Variants in INPP4B observed in about 807,000 individuals in gnomAD.
INPP4B encodes inositol polyphosphate 4-phosphatase type II.
A neutral mutation model predicts 122.5 loss-of-function variants in INPP4B; 55 were observed. The observed-to-expected ratio is 0.45, with a 90% CI of 0.36 to 0.56. The LOEUF is 0.56. Ranked by LOEUF, INPP4B falls within the 20% of genes least tolerant of loss-of-function variation. The pLI is 0.00. For missense variants in INPP4B, 1,000 were observed against 1,097.7 expected, an observed-to-expected ratio of 0.91 and a Z score of 1.26; for synonymous variants, 403 against 388.7, an observed-to-expected ratio of 1.04 and a Z score of -0.43.
chr4:142,379,177 T>C (rs1470323400), intron 7 of INPP4B, among the ~76,000 whole-genome samples: 1 of 152,158 alleles, frequency 6.6e-6, no homozygotes, highest in Non-Finnish European at 1.5e-5. Context: ...TATCTTCCTA[T>C]ACAACTCTAT....
chr4:142,384,836 C>T (rs1451906805), intron 7 of INPP4B, among the ~76,000 whole-genome samples: 1 of 152,086 alleles, frequency 6.6e-6, no homozygotes, highest in Non-Finnish European at 1.5e-5. Flanking sequence ...CCTCCTCCCA[C>T]CCTCAACCAT....
At chr4:142,344,222 G>C (rs945568866) in intron 7 of INPP4B, among the ~76,000 whole-genome samples, 1 of 152,076 alleles carries the variant, frequency 6.6e-6, no homozygotes. Context: ...ACATGGAAGA[G>C]AGCATTAGTC....
intron 16 of INPP4B, among the ~76,000 whole-genome samples, chr4:142,165,879 CT>C (rs1402170124): frequency 6.6e-6 from 1 of 151,738 alleles, no homozygotes; most frequent in East Asian, 1.9e-4. Context: ...CTCCTCCACT[CT>C]TTTTATCCTC....
At position 142,739,769 on chromosome 4, in the gene INPP4B, T is replaced by C. The variant is rs929119380; in HGVS notation, c.-253-13868A>G. ...AGCAATGAAAGAAAAAATAATACGT[T>C]ATTTTAAGGATTCACAATGTAACTG... On this transcript the variant is annotated intron_variant, in intron 1 of 25. Transcript: ENST00000262992. 2.0e-5 allele frequency among the ~76,000 whole-genome samples: 3 copies of C among 152,174 alleles called. No homozygotes were observed. The East Asian group carries it at 5.8e-4, about 29-fold the overall frequency.
chr4:142,562,598 C>T (rs1405705989), intron 2 of INPP4B, among the ~76,000 whole-genome samples: 2 of 152,026 alleles, frequency 1.3e-5, no homozygotes, highest in African/African-American at 2.4e-5. Context: ...GAAAGACATC[C>T]TATTGCTTTT....
intron 2 of INPP4B, among the ~76,000 whole-genome samples, chr4:142,702,445 C>T (rs1005330681): frequency 6.6e-6 from 1 of 152,090 alleles, no homozygotes; most frequent in Non-Finnish European, 1.5e-5. Context: ...AACTTCGAGG[C>T]CAGGCGCGGT....
intron 11 of INPP4B, among the ~76,000 whole-genome samples, chr4:142,242,791 C>T (rs1290371178): frequency 1.3e-5 from 2 of 152,194 alleles, no homozygotes; most frequent in African/African-American, 4.8e-5. Context: ...TTTTACATCA[C>T]ATCCCCGTCT....
chr4:142,064,374 G>A (rs901594815), intron 25 of INPP4B, among the ~76,000 whole-genome samples: 1 of 152,126 alleles, frequency 6.6e-6, no homozygotes, highest in African/African-American at 2.4e-5. Context: ...TCCACAGTCT[G>A]TCAACCAGAT....
intron 21 of INPP4B, among the ~76,000 whole-genome samples, chr4:142,115,014 G>A (rs938216398): frequency 3.3e-5 from 5 of 152,038 alleles, no homozygotes; most frequent in Non-Finnish European, 7.4e-5. Flanking sequence ...CATGATGCAT[G>A]CCCAAGCTTC....
intron 2 of INPP4B, among the ~76,000 whole-genome samples, chr4:142,662,113 T>C (rs1397301255): frequency 6.6e-6 from 1 of 152,008 alleles, no homozygotes; most frequent in East Asian, 1.9e-4. Flanking sequence ...CAGGCACCTG[T>C]AGTCCCAGCT....
intron 9 of INPP4B, among the ~76,000 whole-genome samples, chr4:142,298,120 A>G (rs1255469766): frequency 1.3e-5 from 2 of 151,216 alleles, no homozygotes; most frequent in Non-Finnish European, 3.0e-5. Context: ...ACAAACAAAC[A>G]AACAAAACAG....
At chr4:142,358,883 G>A (rs943300692) in intron 7 of INPP4B, among the ~76,000 whole-genome samples, 15 of 151,966 alleles carry the variant, frequency 9.9e-5, no homozygotes, top group Non-Finnish European at 2.9e-5. Flanking sequence ...CAACTGAGCA[G>A]TGGTGAGAGG....
At chr4:142,455,501 T>C (rs578113431) in intron 3 of INPP4B, among the ~76,000 whole-genome samples, 4 of 152,218 alleles carry the variant, frequency 2.6e-5, no homozygotes, top group African/African-American at 9.6e-5. Flanking sequence ...CTCATTCTTT[T>C]TTTATGGCTG....
chr4:142,663,606 G>C (rs1288165396), intron 2 of INPP4B, among the ~76,000 whole-genome samples: 4 of 152,022 alleles, frequency 2.6e-5, no homozygotes, highest in African/African-American at 4.8e-5. Context: ...CTTTTTAAAA[G>C]GTCACTTAAC....
chr4:142,470,288 TCA>T (rs532108701), intron 2 of INPP4B, among the ~76,000 whole-genome samples: 79 of 152,138 alleles, frequency 5.2e-4, no homozygotes, highest in Non-Finnish European at 7.5e-4. Flanking sequence ...AAAAGATGCT[TCA>T]CAATGAAGAA....
chr4:142,177,722 T>G (rs1456774787), intron 15 of INPP4B, among the ~76,000 whole-genome samples: 1 of 152,114 alleles, frequency 6.6e-6, no homozygotes, highest in Non-Finnish European at 1.5e-5. Flanking sequence ...TCCTCACGTT[T>G]GTGTGTGTAT....
intron 25 of INPP4B, chr4:142,029,399 AG>A: frequency 1.0e-6 from 1 of 982,126 alleles, no homozygotes; most frequent in Non-Finnish European, 1.2e-6. Context: ...CAAGGAAGAG[AG>A]AAAATGGCTT....
chr4:142,474,202 T>C (rs1019690820), intron 2 of INPP4B: 8 of 151,972 alleles, frequency 5.3e-5, no homozygotes, highest in African/African-American at 1.9e-4. Flanking sequence ...CCATTCTCAC[T>C]ACGGGTAACC....
At chr4:142,090,965 C>T (rs967537357) in intron 23 of INPP4B, among the ~76,000 whole-genome samples, 1 of 151,902 alleles carries the variant, frequency 6.6e-6, no homozygotes, top group Non-Finnish European at 1.5e-5. Flanking sequence ...AAAACAACAG[C>T]AATAATATAG....
Sources: gnomAD v4.1 joint callset for allele counts (sites outside exome capture counted in the v4.1 genomes callset) on GRCh38, gnomAD v4.1.1 for gene constraint, MANE v1.5 for transcripts, NCBI Gene and HGNC (gene_info 2026-07-23, HGNC 2026-07-21) for gene names.